ALS2: variants seen among roughly 807,000 people sequenced by gnomAD.
ALS2 encodes the protein alsin.
In ALS2, 117 loss-of-function variants were observed where a neutral mutation model predicts 203.4. That is an observed-to-expected ratio of 0.58 (90% CI 0.50 to 0.67). ALS2 has a LOEUF of 0.67. Ranked by LOEUF, ALS2 falls within the 30% of genes least tolerant of loss-of-function variation. The pLI is 0.00. For missense variants in ALS2, 1,715 were observed against 1,989.4 expected (o/e 0.86, Z 2.62); for synonymous variants, 718 against 725.9 (o/e 0.99, Z 0.17).
At chr2:201,752,314 T>C (rs1365615445) in intron 7 of ALS2, among the ~76,000 whole-genome samples, 1 of 152,184 alleles carries the variant, frequency 6.6e-6, no homozygotes, top group Non-Finnish European at 1.5e-5. Flanking sequence ...CTTAACACTT[T>C]TGGTGTAGTT....
intron 1 of ALS2, among the ~76,000 whole-genome samples, chr2:201,773,383 G>A (rs985288893): frequency 6.6e-6 from 1 of 152,030 alleles, no homozygotes; most frequent in South Asian, 2.1e-4. Flanking sequence ...GATGCTCTGG[G>A]GGCAGAACAA....
At position 201,701,079 on chromosome 2, in the gene ALS2, T is replaced by G. The variant is rs561365791; in HGVS notation, c.*772A>C. 1 of 152,628 alleles carries G rather than the reference T, an allele frequency of 6.6e-6. No individual in the cohort carries two copies. The highest frequency in any genetic ancestry group is 2.4e-5 in the African/African-American group (1 of 41,448). The allele number at this position is 152,628 out of a possible 1,614,324, so 9.5% of individuals were successfully genotyped here. ...GGCCTTGGAATACAGCGTTTGCACA[T>G]GGACAAATGAGGTTCCTAGCAGCTC... On this transcript the variant is annotated 3_prime_UTR_variant, in exon 34 of 34. Transcript: ENST00000264276.
At chr2:201,725,481 A>G in intron 19 of ALS2, 27 bp from the exon 20 acceptor site, 2 of 1,549,410 alleles carry the variant, frequency 1.3e-6, no homozygotes, top group Non-Finnish European at 8.9e-7. Flanking sequence ...AAAATAACAA[A>G]AGAAGATGCA....
chr2:201,778,176 C>T (rs1024311058), intron 1 of ALS2, among the ~76,000 whole-genome samples: 11 of 152,016 alleles, frequency 7.2e-5, no homozygotes, highest in African/African-American at 2.7e-4. Flanking sequence ...GCCATGTGAA[C>T]TGAAGAACTG....
Position 201,747,611 on chromosome 2 carries a change from C to T in ALS2, c.1816-863G>A, listed in dbSNP as rs544992661. ...GACTACAGGTGCCCGCTACCACGCC[C>T]GGCTAATTTTTGTATTTTTAGTAGA... On this transcript the variant is annotated intron_variant, in intron 8 of 33. Transcript: ENST00000264276. 2.4e-4 allele frequency among the ~76,000 whole-genome samples: 36 copies of T among 152,086 alleles called. 1 individual carries two copies. Among genetic ancestry groups the T allele is most frequent in the East Asian group, 1.6e-3 (8 of 5,158 alleles).
intron 1 of ALS2, among the ~76,000 whole-genome samples, chr2:201,771,041 GATT>G (rs1375905716): frequency 8.4e-6 from 1 of 119,234 alleles, no homozygotes; most frequent in African/African-American, 3.1e-5. Flanking sequence ...AGTATTTACA[GATT>G]TTTTTTTTTT....
chr2:201,761,113 A>G lies in ALS2; in HGVS notation c.881T>C (p.Leu294Pro), dbSNP rs374550633. 3.1e-6 allele frequency: 5 copies of G among 1,614,140 alleles called. No homozygotes were observed. In the African/African-American group the frequency reaches 6.7e-5, roughly 22 times the overall value. The change falls in exon 4 of 34, where the codon CTT becomes CCT. Residue 294 changes from leucine to proline, a missense_variant. Coordinates refer to ENST00000264276, the MANE Select transcript of ALS2 (RefSeq NM_020919.4). ...AGCAACAGACTGATCATTTGCTACA[A>G]GAGTGTTCTCAAATACTTCTTCCTG... ...DRQEEVFENT[L>P]VANDQSVATE...
chr2:201,757,617 T>C lies in ALS2; in HGVS notation c.1256A>G (p.Lys419Arg). 1 of 1,614,176 alleles carries C rather than the reference T, an allele frequency of 6.2e-7. No homozygotes were observed. Among genetic ancestry groups the C allele is most frequent in the Non-Finnish European group, 8.5e-7 (1 of 1,180,022 alleles). ...TGTACTATAAAAGTTCATAACTTTC[T>C]TCAGTGACAAGGCACCAGCTTCATA... is the stretch of plus-strand genomic sequence containing the variant. Reference protein sequence around the residue: ...ATYEAGALSLKKVMNFYSTTP... With the variant: ...ATYEAGALSLRKVMNFYSTTP... Residue 419 changes from lysine to arginine, a missense_variant, in exon 5 of 34, where the codon AAG becomes AGG. This residue lies in a region of ALS2 where 476 missense variants were observed against 539.3 expected (regional missense o/e 0.88). Transcript: ENST00000264276.
At chr2:201,722,508 A>G (rs1429274109) in intron 23 of ALS2, 2 of 152,770 alleles carry the variant, frequency 1.3e-5, no homozygotes, top group African/African-American at 4.8e-5. Flanking sequence ...AAATGAAAAC[A>G]TATGTCTACA....
chr2:201,741,949 T>C lies in ALS2; in HGVS notation c.2171-95A>G, dbSNP rs907674738. 6.9e-6 allele frequency: 8 copies of C among 1,155,454 alleles called. No individual in the cohort carries two copies. In the Admixed American group the frequency reaches 1.6e-4, roughly 23 times the overall value. The allele number at this position is 1,155,454 out of a possible 1,614,324, so 71.6% of individuals were successfully genotyped here. A position where few individuals can be genotyped will look rare whatever the true frequency, so the allele number is the denominator to read the frequency against. The stretch of plus-strand genomic sequence containing the variant: ...GATTATGAATTCCTCTAAGACTACT[T>C]AACCTGTTGCCATGTGCTCTCAACT... On this transcript the variant is annotated intron_variant, in intron 10 of 33. Coordinates refer to ENST00000264276, the MANE Select transcript of ALS2 (RefSeq NM_020919.4).
chr2:201,724,557 T>A, intron 20 of ALS2, 98 bp from the exon 21 acceptor site: 1 of 1,187,308 alleles, frequency 8.4e-7, no homozygotes, highest in Non-Finnish European at 1.3e-6. Context: ...TCAGTCTCAC[T>A]GGTAGCTATA....
rs370230253 is a variant in ALS2 at position 201,751,189 on chromosome 2, C to T, written c.1738-1400G>A. Among the ~76,000 whole-genome samples the T allele has an allele frequency of 1.2e-4, 18 of 152,234 alleles. No individual in the cohort carries two copies. In the East Asian group the frequency reaches 3.3e-3, roughly 28 times the overall value. On this transcript the variant is annotated intron_variant, in intron 7 of 33. Coordinates refer to ENST00000264276, the MANE Select transcript of ALS2 (RefSeq NM_020919.4). Reference sequence around the variant, plus strand: ...AATATTAAAAAGGATAGGAAAAATCCTTGAATACATATATTCATGTATCTA... The same window carrying T: ...AATATTAAAAAGGATAGGAAAAATCTTTGAATACATATATTCATGTATCTA...
Position 201,704,144 on chromosome 2 carries a change from C to G in ALS2, c.4913G>C (p.Gly1638Ala). 1 of 1,613,150 alleles carries G rather than the reference C, an allele frequency of 6.2e-7. No homozygotes were observed. Among genetic ancestry groups the G allele is most frequent in the Non-Finnish European group, 8.5e-7 (1 of 1,179,140 alleles). ...CACCTTCAAGGTGGTGAACATTATA[C>G]CCTGTTCCCCATGCTGAAGATAGGG... ...MDPYLQHGEQGIMFTTLKACY... is the reference protein window; with the variant it reads ...MDPYLQHGEQAIMFTTLKACY... The change falls in exon 33 of 34, where the codon GGT becomes GCT. Residue 1638 changes from glycine (G) to alanine (A), a missense_variant. Physicochemically the swap from Gly to Ala is moderately conservative, Grantham distance 60. Transcript: ENST00000264276.
chr2:201,761,531 A>G lies in ALS2; in HGVS notation c.463T>C (p.Leu155=). 1 of 1,614,164 alleles carries G rather than the reference A, an allele frequency of 6.2e-7. No individual in the cohort carries two copies. Among genetic ancestry groups the G allele is most frequent in the Non-Finnish European group, 8.5e-7 (1 of 1,179,996 alleles). Residue 155 remains leucine, a synonymous_variant, in exon 4 of 34, where the codon TTG becomes CTG. Coordinates refer to ENST00000264276, the MANE Select transcript of ALS2 (RefSeq NM_020919.4). The stretch of plus-strand genomic sequence containing the variant: ...AGAGTGTGCTCCTCGCCACACGCCA[A>G]CTGTAAAATCCTGACTGCTAACAAA... ...SPLLAVRILQ[L]ACGEEHTLAL...
At position 201,744,410 on chromosome 2, in the gene ALS2, A is replaced by G; in HGVS notation, c.2018T>C (p.Val673Ala). ...SCSKLGYISR[V>A]TAGKDSYLAL... ...TAAATAGCTATCTTTTCCTGCTGTC[A>G]CTCTGCTTATATATCCAAGCTGAAA... Residue 673 changes from valine (V) to alanine (A), a missense_variant, in exon 10 of 34, where the codon GTG becomes GCG. Coordinates refer to ENST00000264276, the MANE Select transcript of ALS2 (RefSeq NM_020919.4). The G allele has an allele frequency of 6.2e-7, 1 of 1,614,044 alleles. No individual in the cohort carries two copies. The highest frequency in any genetic ancestry group is 8.5e-7 in the Non-Finnish European group (1 of 1,179,994).
At chr2:201,707,488 G>C (rs868296468) in intron 28 of ALS2, among the ~76,000 whole-genome samples, 2 of 151,910 alleles carry the variant, frequency 1.3e-5, no homozygotes, top group Non-Finnish European at 2.9e-5. Flanking sequence ...GAGCGCAATG[G>C]TGCAGTCACA....
At chr2:201,768,824 G>C in intron 2 of ALS2, 42 bp downstream of exon 2, 2 of 1,598,516 alleles carry the variant, frequency 1.3e-6, no homozygotes, top group Non-Finnish European at 1.7e-6. Flanking sequence ...TGTTTGCTAT[G>C]TTTTCCTAGG....
At chr2:201,770,227 G>T (rs546230680) in intron 1 of ALS2, among the ~76,000 whole-genome samples, 1 of 152,234 alleles carries the variant, frequency 6.6e-6, no homozygotes, top group African/African-American at 2.4e-5. Flanking sequence ...GGAAGCCAGA[G>T]AATTATTCTA....
intron 12 of ALS2, 196 bp downstream of exon 12, chr2:201,738,474 T>C (rs1314644474): frequency 3.4e-6 from 2 of 595,686 alleles, no homozygotes; most frequent in Non-Finnish European, 6.0e-6. Context: ...CAGTACTTTT[T>C]CAATAGCATA....
Sources: allele counts gnomAD v4.1 joint callset (sites outside exome capture counted in the v4.1 genomes callset), GRCh38; gene constraint gnomAD v4.1.1; regional missense constraint gnomAD v4.1.1; transcripts MANE v1.5; gene names NCBI Gene and HGNC (gene_info 2026-07-23, HGNC 2026-07-21).